Variants in UNC5A observed in about 807,000 individuals in gnomAD.
The protein encoded by UNC5A is netrin receptor UNC5A.
In UNC5A, 20 loss-of-function variants were observed where a neutral mutation model predicts 87.4. The observed-to-expected ratio is 0.23, with a 90% CI of 0.16 to 0.33. The LOEUF is 0.33. Among genes scored for constraint, UNC5A ranks in the 10% least tolerant of loss-of-function variants. The pLI, the probability that UNC5A is intolerant of heterozygous loss-of-function variation, is 1.00. For synonymous variants in UNC5A, 438 were observed against 482.3 expected (o/e 0.91, Z 1.20); for missense variants, 844 against 1,133.4 (o/e 0.74, Z 3.67).
At chr5:176,843,885 G>A (rs931995540) in intron 1 of UNC5A, among the ~76,000 whole-genome samples, 5 of 152,264 alleles carry the variant, frequency 3.3e-5, no homozygotes, top group South Asian at 2.1e-4. Context: ...CGTGCGGCGC[G>A]TGGGGAGGGC....
At chr5:176,863,328 A>C (rs1757888435) in intron 2 of UNC5A, among the ~76,000 whole-genome samples, 2 of 152,218 alleles carry the variant, frequency 1.3e-5, no homozygotes, top group African/African-American at 2.4e-5. Flanking sequence ...AGACGCCGGC[A>C]TGCCGGTGGT....
chr5:176,821,264 G>T (rs912164992), intron 1 of UNC5A, among the ~76,000 whole-genome samples: 4 of 152,142 alleles, frequency 2.6e-5, no homozygotes, highest in Non-Finnish European at 5.9e-5. Flanking sequence ...CCTTGGTTTC[G>T]GGCCATCTTT....
chr5:176,820,876 G>C lies in UNC5A; in HGVS notation c.70+10056G>C, dbSNP rs1756710778. Reference sequence around the variant, plus strand: ...CTAGGTAAGTATTTCTCTTGACCTGGTTCTTTTCCAGCTGCAGAGCCTGCT... The same window carrying C: ...CTAGGTAAGTATTTCTCTTGACCTGCTTCTTTTCCAGCTGCAGAGCCTGCT... On this transcript the variant is annotated intron_variant, in intron 1 of 14. Transcript: ENST00000329542. 2.0e-5 allele frequency among the ~76,000 whole-genome samples: 3 copies of C among 152,280 alleles called. No individual in the cohort carries two copies. The South Asian group carries it at 6.2e-4, about 32-fold the overall frequency.
Position 176,880,092 on chromosome 5 carries a change from A to C in UNC5A, c.*206A>C, listed in dbSNP as rs1223015629. 6.1e-6 allele frequency: 4 copies of C among 653,594 alleles called. No homozygotes were observed. The highest frequency in any genetic ancestry group is 4.1e-5 in the South Asian group (2 of 49,122). 40.5% of individuals were successfully genotyped at this position (653,594 alleles called of 1,614,324 possible). On this transcript the variant is annotated 3_prime_UTR_variant, in exon 15 of 15. Coordinates refer to ENST00000329542, the MANE Select transcript of UNC5A (RefSeq NM_133369.3). The stretch of plus-strand genomic sequence containing the variant: ...CCTGCCTAGCCAGGCTGGCACTGCC[A>C]CTCACACTCGGCCCCAGGGCCCAGG...
chr5:176,879,674 C>T (rs777285929), intron 14 of UNC5A, 47 bp from the exon 15 acceptor site: 3 of 1,600,000 alleles, frequency 1.9e-6, no homozygotes, highest in African/African-American at 1.3e-5. Context: ...CAGGAGGTGT[C>T]GGCTGGGGCC....
chr5:176,828,135 G>A (rs991571871), intron 1 of UNC5A, among the ~76,000 whole-genome samples: 3 of 152,076 alleles, frequency 2.0e-5, no homozygotes, highest in Admixed American at 2.0e-4. Context: ...CTGTGCTGCC[G>A]TTTTGTGTGT....
rs1758210537 is a variant in UNC5A, at chr5:176,874,418, G to C, written c.1230G>C (p.Leu410=). The C allele has an allele frequency of 1.9e-6, 3 of 1,613,576 alleles. No homozygotes were observed. The highest frequency in any genetic ancestry group is 2.5e-6 in the Non-Finnish European group (3 of 1,179,924). Residue 410 remains leucine, a synonymous_variant, in exon 8 of 15, where the codon CTG becomes CTC. Transcript: ENST00000329542. This position sits in a 1 kb window ranked among gnomAD's most constrained non-coding sequence, Gnocchi z 7.6. ...LSPLGGGRHT[L]HHSSPTSEAE... ...CCCTGGGTGGCGGCCGCCACACACT[G>C]CACCACAGCTCTCCCACCTCTGAGG...
Position 176,875,522 on chromosome 5 carries a change from C to T in UNC5A, c.1378+956C>T, listed in dbSNP as rs1758241698. 6.6e-6 allele frequency among the ~76,000 whole-genome samples: 1 copy of T among 152,164 alleles called. No individual in the cohort carries two copies. The highest frequency in any genetic ancestry group is 2.4e-5 in the African/African-American group (1 of 41,416). ...CCCTCCTCAATAGCTCCTGCCACCT[C>T]CTGCTCTTGTCCTCCCTTGCTGCCT... On this transcript the variant is annotated intron_variant, in intron 8 of 14. Coordinates refer to ENST00000329542, the MANE Select transcript of UNC5A (RefSeq NM_133369.3). This position sits in a 1 kb window ranked among gnomAD's most constrained non-coding sequence, Gnocchi z 5.2.
intron 1 of UNC5A, among the ~76,000 whole-genome samples, chr5:176,830,516 A>ATG (rs568529183): frequency 1.5e-4 from 17 of 117,150 alleles, no homozygotes; most frequent in African/African-American, 4.3e-4. Context: ...GTGTGCTGGC[A>ATG]TGTGTGTGTG....
chr5:176,820,989 C>T (rs1567319), intron 1 of UNC5A, among the ~76,000 whole-genome samples: 3,073 of 152,250 alleles, frequency 0.02, 92 homozygotes, highest in African/African-American at 0.069. Flanking sequence ...TTTTTTCTTG[C>T]TTGCCTTCAA....
At chr5:176,832,249 T>A (rs1176957319) in intron 1 of UNC5A, among the ~76,000 whole-genome samples, 1 of 152,178 alleles carries the variant, frequency 6.6e-6, no homozygotes, top group African/African-American at 2.4e-5. Flanking sequence ...GTGCCGTTAT[T>A]ATGCTCCCGT....
At chr5:176,877,444 G>A (rs1406369158) in intron 9 of UNC5A, 91 bp from the exon 10 acceptor site, 5 of 1,450,238 alleles carry the variant, frequency 3.4e-6, no homozygotes, top group Non-Finnish European at 4.7e-6. Context: ...CTGGCCCCTG[G>A]GATGCTGCTG....
At chr5:176,877,332 C>T (rs370685225) in intron 9 of UNC5A, 53 bp downstream of exon 9, 15 of 1,514,612 alleles carry the variant, frequency 9.9e-6, no homozygotes, top group Admixed American at 7.0e-5. Context: ...CTGCTGCCTT[C>T]GGTCCCCAGG....
intron 2 of UNC5A, 88 bp from the exon 3 acceptor site, chr5:176,868,042 C>T (rs997993941): frequency 2.0e-5 from 25 of 1,268,140 alleles, no homozygotes; most frequent in East Asian, 8.0e-5. Flanking sequence ...TGCCAGTCAG[C>T]GAGAGTGGCT....
rs762618228 is a variant in UNC5A, at chr5:176,877,289, C to A, written c.1466+10C>A. 2.7e-5 allele frequency: 44 copies of A among 1,609,364 alleles called. No individual in the cohort carries two copies. The South Asian group carries it at 4.8e-4, about 18-fold the overall frequency. Reference sequence around the variant, plus strand: ...AGCCGGAAGACGTGAGGTGTGGCCGCGGGCCCTGTTGCCGGGGGTGGGAGG... The same window carrying A: ...AGCCGGAAGACGTGAGGTGTGGCCGAGGGCCCTGTTGCCGGGGGTGGGAGG... On this transcript the variant is annotated intron_variant, in intron 9 of 14. Transcript: ENST00000329542.
chr5:176,877,817 C>A, intron 10 of UNC5A, 77 bp from the exon 11 acceptor site: 1 of 1,519,130 alleles, frequency 6.6e-7, no homozygotes, highest in Non-Finnish European at 8.9e-7. Flanking sequence ...CCCCAGTCTC[C>A]GGCCACTTCT....
Position 176,826,636 on chromosome 5 carries a change from C to CT in UNC5A, c.70+15840dup, listed in dbSNP as rs34466725. On this transcript the variant is annotated intron_variant, in intron 1 of 14. Coordinates refer to ENST00000329542, the MANE Select transcript of UNC5A (RefSeq NM_133369.3). ...CCATCACTTCTATCTAGTTTCCAAACTTTTTTTTTTTTTTTTTTTTTTTTG... is the reference window on the plus strand; with the variant it reads ...CCATCACTTCTATCTAGTTTCCAAACTTTTTTTTTTTTTTTTTTTTTTTTTG... Among the ~76,000 whole-genome samples the CT allele has an allele frequency of 6.7e-3, 490 of 72,710 alleles. 12 individuals are homozygous for CT. The highest frequency in any genetic ancestry group is 0.02 in the African/African-American group (443 of 22,040). 47.7% of individuals were successfully genotyped at this position (72,710 alleles called of 152,430 possible).
At chr5:176,877,429 A>AGCCCCTG in intron 9 of UNC5A, 106 bp from the exon 10 acceptor site, 2 of 1,403,694 alleles carry the variant, frequency 1.4e-6, no homozygotes, top group East Asian at 2.4e-5. Context: ...CTGCAGCCCA[A>AGCCCCTG]GCCCCTGGCC....
intron 1 of UNC5A, among the ~76,000 whole-genome samples, chr5:176,858,674 T>A (rs1757723349): frequency 6.9e-6 from 1 of 144,248 alleles, no homozygotes; most frequent in Non-Finnish European, 1.5e-5. Context: ...CCTGGCGTTG[T>A]CTTTGATGGA....
Sources: allele counts gnomAD v4.1 joint callset (sites outside exome capture counted in the v4.1 genomes callset), GRCh38; gene constraint gnomAD v4.1.1; non-coding constraint Gnocchi (gnomAD v3.1); transcripts MANE v1.5; gene names NCBI Gene and HGNC (gene_info 2026-07-23, HGNC 2026-07-21).